The following ABCA13 variants were observed in gnomAD, a reference collection of about 807,000 sequenced individuals.
ABCA13 encodes the protein ATP binding cassette subfamily A member 13.
ABCA13 carries 476 observed loss-of-function variants against 478.7 expected under a neutral mutation model. That is an observed-to-expected ratio of 0.99 (90% CI 0.92 to 1.07). The LOEUF (loss-of-function observed/expected upper bound fraction) is 1.07, where lower values mean the gene tolerates loss of function less well. Ranked by LOEUF, ABCA13 falls within the 50% of genes least tolerant of loss-of-function variation. The pLI is 0.00. For missense variants in ABCA13, 6,060 were observed against 5,910.6 expected (o/e 1.03, Z -0.83); for synonymous variants, 2,252 against 2,158.9 (o/e 1.04, Z -1.20).
intron 3 of ABCA13, among the ~76,000 whole-genome samples, chr7:48,200,176 C>T (rs1798471514): frequency 6.6e-6 from 1 of 151,934 alleles, no homozygotes; most frequent in African/African-American, 2.4e-5. Flanking sequence ...ACCAGCCTGG[C>T]CAACATAGTG....
At chr7:48,602,989 C>G (rs1447840176) in intron 58 of ABCA13, among the ~76,000 whole-genome samples, 3 of 152,014 alleles carry the variant, frequency 2.0e-5, no homozygotes, top group African/African-American at 7.3e-5. Context: ...CTCTTTGTAG[C>G]AATTGTGAAT....
At chr7:48,625,721 G>A (rs1255916671) in intron 59 of ABCA13, among the ~76,000 whole-genome samples, 1 of 152,024 alleles carries the variant, frequency 6.6e-6, no homozygotes, top group African/African-American at 2.4e-5. Context: ...GGAAATTCAG[G>A]TCATGAACAG....
At chr7:48,247,763 A>G (rs1055542837) in intron 13 of ABCA13, among the ~76,000 whole-genome samples, 1 of 152,050 alleles carries the variant, frequency 6.6e-6, no homozygotes, top group African/African-American at 2.4e-5. Flanking sequence ...TGACATGGCT[A>G]TCCAGGGATC....
chr7:48,357,597 A>G (rs1308646891), intron 31 of ABCA13, among the ~76,000 whole-genome samples: 2 of 151,950 alleles, frequency 1.3e-5, no homozygotes, highest in South Asian at 2.1e-4. Context: ...CTTTCCCTCA[A>G]CAGCAGCAAA....
chr7:48,245,476 C>A, intron 11 of ABCA13, 36 bp from the exon 12 acceptor site: 1 of 1,543,404 alleles, frequency 6.5e-7, no homozygotes, highest in South Asian at 1.2e-5. Context: ...GCTTACTTAC[C>A]TTAGGTGAAT....
rs1808847467 is a variant in ABCA13, at chr7:48,350,757, A to G, written c.10319A>G (p.Gln3440Arg). 6.2e-7 allele frequency: 1 copy of G among 1,613,858 alleles called. No homozygotes were observed. Among genetic ancestry groups the G allele is most frequent in the African/African-American group, 1.3e-5 (1 of 74,930 alleles). ...GCACTGAACCGTTTCCAGGCTCTGC[A>G]GTCTGTCGACATCCTGGAGACTAAA... ...CVALNRFQAL[Q>R]SVDILETKAH... is the part of the protein sequence containing the mutation. The change falls in exon 30 of 62, where the codon CAG becomes CGG. Residue 3440 changes from glutamine (Q) to arginine (R), a missense_variant. Physicochemically the swap from Gln to Arg is conservative, Grantham distance 43. Around this residue, in one of 3 missense-constraint regions of ABCA13, gnomAD observed 4,423 missense variants for 4,309.1 expected, o/e 1.03. Transcript: ENST00000435803.
intron 35 of ABCA13, among the ~76,000 whole-genome samples, chr7:48,386,772 C>A (rs1159914806): frequency 6.6e-6 from 1 of 152,104 alleles, no homozygotes; most frequent in Non-Finnish European, 1.5e-5. Context: ...AAACCCAAAA[C>A]TATAAAAACC....
chr7:48,644,472 A>G (rs1795305397), intron 60 of ABCA13, 145 bp from the exon 61 acceptor site: 2 of 862,578 alleles, frequency 2.3e-6, no homozygotes, highest in South Asian at 1.9e-5. Flanking sequence ...ATTGTCATCA[A>G]TAAGCATTCA....
At chr7:48,410,442 C>A in intron 39 of ABCA13, 78 bp from the exon 40 acceptor site, 1 of 1,551,520 alleles carries the variant, frequency 6.4e-7, no homozygotes, top group South Asian at 1.1e-5. Context: ...CCTGGATCTA[C>A]CATCCTGAGG....
At position 48,372,479 on chromosome 7, in the gene ABCA13, T is replaced by C. The variant is rs1812784910; in HGVS notation, c.11115T>C (p.Phe3705=). 1.3e-6 allele frequency: 2 copies of C among 1,576,596 alleles called. No individual in the cohort carries two copies. The highest frequency in any genetic ancestry group is 8.6e-7 in the Non-Finnish European group (1 of 1,158,406). Residue 3705 remains phenylalanine (F), a synonymous_variant, in exon 33 of 62, where the codon TTT becomes TTC. Coordinates refer to ENST00000435803, the MANE Select transcript of ABCA13 (RefSeq NM_152701.5). The part of the protein sequence containing the change: ...VLLVLHNQLS[F]VNQTFLCLLS... ...TGGTTCTACATAACCAATTAAGTTTTGTTAATCAGACATTTCTGGTAAGTA... is the reference window on the plus strand; with the variant it reads ...TGGTTCTACATAACCAATTAAGTTTCGTTAATCAGACATTTCTGGTAAGTA...
intron 48 of ABCA13, among the ~76,000 whole-genome samples, chr7:48,491,051 A>G (rs924218535): frequency 2.0e-5 from 3 of 152,210 alleles, no homozygotes; most frequent in African/African-American, 7.2e-5. Flanking sequence ...TTAAGAAACT[A>G]AAATATAAAC....
At chr7:48,622,967 T>C (rs1793294251) in intron 59 of ABCA13, among the ~76,000 whole-genome samples, 1 of 152,186 alleles carries the variant, frequency 6.6e-6, no homozygotes, top group Non-Finnish European at 1.5e-5. Context: ...CATCTCATGA[T>C]TGTCCACATT....
intron 48 of ABCA13, among the ~76,000 whole-genome samples, chr7:48,494,241 G>T (rs1830079011): frequency 6.6e-6 from 1 of 152,158 alleles, no homozygotes; most frequent in African/African-American, 2.4e-5. Flanking sequence ...ATGCATGGTA[G>T]ATTTTCCTGC....
At position 48,647,107 on chromosome 7, in the gene ABCA13, T is replaced by G. The variant is rs1795477168; in HGVS notation, c.*1595T>G. The G allele has an allele frequency of 6.6e-6, 1 of 152,238 alleles. No homozygotes were observed. The allele number at this position is 152,238 out of a possible 1,614,324, so 9.4% of individuals were successfully genotyped here. On this transcript the variant is annotated 3_prime_UTR_variant, in exon 62 of 62. Transcript: ENST00000435803. ...ATTAATCTTATTTTAAAATTTGGCCTTTTTCAACACTAACGTTGAGTACCG... is the reference window on the plus strand; with the variant it reads ...ATTAATCTTATTTTAAAATTTGGCCGTTTTCAACACTAACGTTGAGTACCG...
chr7:48,285,735 A>G (rs147827908), intron 19 of ABCA13, among the ~76,000 whole-genome samples: 2 of 152,362 alleles, frequency 1.3e-5, no homozygotes, highest in South Asian at 2.1e-4. Flanking sequence ...AACATAACTT[A>G]TAAACACATT....
intron 59 of ABCA13, among the ~76,000 whole-genome samples, chr7:48,625,603 C>G (rs1793595772): frequency 6.6e-6 from 1 of 152,114 alleles, no homozygotes; most frequent in African/African-American, 2.4e-5. Flanking sequence ...GTTGTCACAA[C>G]ATCATGTTGT....
chr7:48,339,229 C>T (rs749035024), intron 29 of ABCA13, among the ~76,000 whole-genome samples: 11 of 152,216 alleles, frequency 7.2e-5, no homozygotes, highest in East Asian at 5.8e-4. Flanking sequence ...ACATTTTATT[C>T]GGCATAATAT....
intron 58 of ABCA13, among the ~76,000 whole-genome samples, chr7:48,600,024 T>C (rs1311502357): frequency 1.3e-5 from 2 of 152,206 alleles, no homozygotes; most frequent in Admixed American, 1.3e-4. Flanking sequence ...TATTGAAATA[T>C]TCAAGTATAA....
chr7:48,341,948 T>G (rs1035015948), intron 29 of ABCA13, among the ~76,000 whole-genome samples: 2 of 146,730 alleles, frequency 1.4e-5, no homozygotes, highest in Admixed American at 1.4e-4. Flanking sequence ...TATATTCATA[T>G]ATATATACTC....
Sources: gnomAD v4.1 joint callset for allele counts (sites outside exome capture counted in the v4.1 genomes callset) on GRCh38, gnomAD v4.1.1 for gene constraint, gnomAD v4.1.1 regional missense constraint, MANE v1.5 for transcripts, NCBI Gene and HGNC (gene_info 2026-07-23, HGNC 2026-07-21) for gene names.